SORCS2: variants seen among roughly 807,000 people sequenced by gnomAD.
SORCS2 encodes sortilin related VPS10 domain containing receptor 2, also known as VPS10 domain-containing receptor SorCS2.
A neutral mutation model predicts 141.6 loss-of-function variants in SORCS2; 100 were observed. The observed-to-expected ratio is 0.71, with a 90% CI of 0.60 to 0.83. SORCS2 has a LOEUF of 0.83. Among genes scored for constraint, SORCS2 ranks in the 40% least tolerant of loss-of-function variants. The probability of loss-of-function intolerance (pLI) is 0.00; values close to 1 mark genes in which losing one functional copy is unlikely to be tolerated. For synonymous variants in SORCS2, 789 were observed against 676.9 expected (o/e 1.17, Z -2.57); for missense variants, 1,646 against 1,560.2 (o/e 1.05, Z -0.93).
chr4:7,202,616 A>G (rs536240134), intron 1 of SORCS2, among the ~76,000 whole-genome samples: 34 of 152,312 alleles, frequency 2.2e-4, no homozygotes, highest in Admixed American at 7.8e-4. Context: ...GCAAGTCACC[A>G]TTTCCTGACG....
At chr4:7,625,945 C>G (rs1719489798) in intron 3 of SORCS2, among the ~76,000 whole-genome samples, 1 of 152,028 alleles carries the variant, frequency 6.6e-6, no homozygotes, top group African/African-American at 2.4e-5. Context: ...TTAAGACCAG[C>G]CTGGGCAATG....
chr4:7,227,041 GCTCTTATGCACCTGTGGGTA>G (rs1304089191), intron 1 of SORCS2, among the ~76,000 whole-genome samples: 182 of 152,262 alleles, frequency 1.2e-3, no homozygotes, highest in Middle Eastern at 6.8e-3. Flanking sequence ...CAGCACACCT[GCTCTTATGCACCTGTGGGTA>G]CTCTTATGCA....
chr4:7,207,041 C>A (rs1324312126), intron 1 of SORCS2, among the ~76,000 whole-genome samples: 1 of 152,118 alleles, frequency 6.6e-6, no homozygotes, highest in Non-Finnish European at 1.5e-5. Context: ...ACCAGCCCCG[C>A]ACCTAGCATC....
rs192440567 is a variant in SORCS2 at position 7,410,949 on chromosome 4, C to G, written c.548+14594C>G. ...GGCCCAGCAGCCTCTTCTCTCCATC[C>G]TTTTTTTTTTTTTTTTTTTTTTTTT... On this transcript the variant is annotated intron_variant, in intron 2 of 26. Transcript: ENST00000507866. Among the ~76,000 whole-genome samples the G allele has an allele frequency of 5.4e-5, 4 of 73,842 alleles. No homozygotes were observed. The Admixed American group carries it at 8.4e-4, about 16-fold the overall frequency. 48.4% of individuals were successfully genotyped at this position (73,842 alleles called of 152,430 possible). A position where few individuals can be genotyped will look rare whatever the true frequency, so the allele number is the denominator to read the frequency against.
At chr4:7,725,112 GC>G in intron 19 of SORCS2, 41 bp from the exon 20 acceptor site, 1 of 1,597,018 alleles carries the variant, frequency 6.3e-7, no homozygotes, top group East Asian at 2.2e-5. Flanking sequence ...AATGCCCCAT[GC>G]CCTGATATCA....
chr4:7,446,945 G>T (rs1728041017), intron 2 of SORCS2, among the ~76,000 whole-genome samples: 1 of 152,210 alleles, frequency 6.6e-6, no homozygotes, highest in Admixed American at 6.5e-5. Context: ...CAGGACTAAG[G>T]TTTCCTTCAC....
intron 4 of SORCS2, among the ~76,000 whole-genome samples, chr4:7,649,417 G>A (rs1198353368): frequency 1.3e-5 from 2 of 152,102 alleles, no homozygotes; most frequent in Non-Finnish European, 2.9e-5. Context: ...TCTCCTGGAA[G>A]GTCTGCGTGG....
intron 1 of SORCS2, among the ~76,000 whole-genome samples, chr4:7,342,548 C>T (rs1157484260): frequency 6.6e-6 from 1 of 152,034 alleles, no homozygotes; most frequent in African/African-American, 2.4e-5. Flanking sequence ...CAAGATGTGT[C>T]CTTTCACCCT....
chr4:7,419,352 T>C (rs1157519283), intron 2 of SORCS2, among the ~76,000 whole-genome samples: 2 of 152,000 alleles, frequency 1.3e-5, no homozygotes, highest in African/African-American at 4.8e-5. Flanking sequence ...TCTCATGGGG[T>C]CTGGCTGGCC....
chr4:7,572,176 G>A (rs887703193), intron 3 of SORCS2, among the ~76,000 whole-genome samples: 5 of 152,134 alleles, frequency 3.3e-5, no homozygotes, highest in African/African-American at 4.8e-5. Context: ...AAATATACAA[G>A]GTGCAAGACA....
chr4:7,255,625 C>T (rs920082511), intron 1 of SORCS2, among the ~76,000 whole-genome samples: 3 of 152,326 alleles, frequency 2.0e-5, no homozygotes, highest in Non-Finnish European at 2.9e-5. Flanking sequence ...GCCTCGTCTT[C>T]TCAGGCTTGG....
chr4:7,640,110 T>C (rs1187128895), intron 4 of SORCS2, among the ~76,000 whole-genome samples: 1 of 151,202 alleles, frequency 6.6e-6, no homozygotes, highest in South Asian at 2.1e-4. Flanking sequence ...TAGGTGTGTG[T>C]AAGAAGCTAT....
At chr4:7,433,904 A>G in intron 2 of SORCS2, 7 of 1,613,764 alleles carry the variant, frequency 4.3e-6, no homozygotes, top group Non-Finnish European at 5.9e-6. Context: ...GGCATTACCG[A>G]GCACACGCGC....
At chr4:7,499,121 CTGAG>C (rs1731807449) in intron 2 of SORCS2, among the ~76,000 whole-genome samples, 2 of 151,568 alleles carry the variant, frequency 1.3e-5, no homozygotes, top group African/African-American at 2.4e-5. Context: ...GTATTTGTGT[CTGAG>C]TGTGTATGAG....
intron 2 of SORCS2, among the ~76,000 whole-genome samples, chr4:7,404,900 T>A (rs1724876365): frequency 6.6e-6 from 1 of 152,190 alleles, no homozygotes; most frequent in South Asian, 2.1e-4. Context: ...TGCCTGTGCT[T>A]TTCTGGTCTG....
At chr4:7,617,976 T>C (rs949581388) in intron 3 of SORCS2, among the ~76,000 whole-genome samples, 2 of 151,988 alleles carry the variant, frequency 1.3e-5, no homozygotes, top group Non-Finnish European at 2.9e-5. Context: ...TCTTCCTCCA[T>C]GACCCTACCC....
At chr4:7,625,823 A>T (rs1719483081) in intron 3 of SORCS2, among the ~76,000 whole-genome samples, 1 of 151,928 alleles carries the variant, frequency 6.6e-6, no homozygotes, top group South Asian at 2.1e-4. Flanking sequence ...GGGAGGAGAG[A>T]GGAAAAGAAA....
rs888570791 is a variant in SORCS2 at position 7,714,376 on chromosome 4, G to A, written c.2123+3G>A. 22 of 1,550,902 alleles carry A rather than the reference G, an allele frequency of 1.4e-5. No individual in the cohort carries two copies. The highest frequency in any genetic ancestry group is 1.8e-5 in the Non-Finnish European group (21 of 1,147,128). On this transcript the variant is annotated splice_donor_region_variant and intron_variant, in intron 16 of 26. Transcript: ENST00000507866. ...TGCCGGGACTCGGACTTCCTGTGGT[G>A]AGCGACGGGCTCCTGGCCACGAGGC...
At chr4:7,270,673 C>T (rs532386238) in intron 1 of SORCS2, among the ~76,000 whole-genome samples, 64 of 152,306 alleles carry the variant, frequency 4.2e-4, no homozygotes, top group Admixed American at 7.2e-4. Flanking sequence ...TAGATCCATC[C>T]GTTGCCCTTC....
Sources: gnomAD v4.1 joint callset for allele counts (sites outside exome capture counted in the v4.1 genomes callset) on GRCh38, gnomAD v4.1.1 for gene constraint, MANE v1.5 for transcripts, NCBI Gene and HGNC (gene_info 2026-07-23, HGNC 2026-07-21) for gene names.